PDE4D: variants seen among roughly 807,000 people sequenced by gnomAD.
PDE4D encodes the protein 3',5'-cyclic-AMP phosphodiesterase 4D.
In PDE4D, 24 loss-of-function variants were observed where a neutral mutation model predicts 87.4. That is an observed-to-expected ratio of 0.27 (90% CI 0.20 to 0.39). PDE4D has a LOEUF of 0.39. PDE4D is among the 10% of genes least tolerant of loss of function. The pLI is 1.00. For synonymous variants in PDE4D, 384 were observed against 383.2 expected, an observed-to-expected ratio of 1.00 and a Z score of -0.02; for missense variants, 714 against 1,041.0, an observed-to-expected ratio of 0.69 and a Z score of 4.32.
chr5:59,112,105 C>T (rs1772758210), intron 5 of PDE4D, among the ~76,000 whole-genome samples: 1 of 151,992 alleles, frequency 6.6e-6, no homozygotes, highest in African/African-American at 2.4e-5. Flanking sequence ...TCATGGATGG[C>T]CTAATGGAGA....
At chr5:59,495,775 G>C (rs1445670278) in intron 1 of PDE4D, among the ~76,000 whole-genome samples, 2 of 152,182 alleles carry the variant, frequency 1.3e-5, no homozygotes, top group African/African-American at 4.8e-5. Context: ...TGCAACTGGA[G>C]AAGTGGCTCG....
intron 6 of PDE4D, among the ~76,000 whole-genome samples, chr5:59,021,492 T>C (rs1479238398): frequency 6.6e-6 from 1 of 152,184 alleles, no homozygotes; most frequent in African/African-American, 2.4e-5. Flanking sequence ...GTTGACCTTT[T>C]ATGTTTAAAA....
At chr5:59,635,429 C>A (rs1832111872) in intron 1 of PDE4D, among the ~76,000 whole-genome samples, 1 of 152,064 alleles carries the variant, frequency 6.6e-6, no homozygotes, top group African/African-American at 2.4e-5. Context: ...GGCAGAGACA[C>A]AACAAAAAAA....
intron 5 of PDE4D, among the ~76,000 whole-genome samples, chr5:59,140,220 A>G (rs1360375023): frequency 1.3e-5 from 2 of 152,254 alleles, no homozygotes; most frequent in Non-Finnish European, 2.9e-5. Context: ...CAGATTAAGT[A>G]GTTATAACTT....
intron 1 of PDE4D, among the ~76,000 whole-genome samples, chr5:60,191,221 A>G (rs1382569966): frequency 6.6e-6 from 1 of 151,984 alleles, no homozygotes; most frequent in South Asian, 2.1e-4. Flanking sequence ...TTTTTTTTCA[A>G]TAATTGTTTT....
intron 1 of PDE4D, among the ~76,000 whole-genome samples, chr5:59,465,479 A>G (rs1801448300): frequency 6.6e-6 from 1 of 152,080 alleles, no homozygotes; most frequent in African/African-American, 2.4e-5. Flanking sequence ...CTGTTATAAA[A>G]TCTCCTGGTA....
In PDE4D at chr5:58,972,810, A is replaced by G. The variant is rs1561197533; in HGVS notation, c.*1854T>C. Reference sequence around the variant, plus strand: ...CTAGGAATTAATCTCTAAAACTGTAATACAGTTCCTGGTGCTGAAATCAGC... The same window carrying G: ...CTAGGAATTAATCTCTAAAACTGTAGTACAGTTCCTGGTGCTGAAATCAGC... On this transcript the variant is annotated 3_prime_UTR_variant, in exon 15 of 15. Transcript: ENST00000340635. 1 of 152,218 alleles carries G rather than the reference A, an allele frequency of 6.6e-6. No individual in the cohort carries two copies. Among genetic ancestry groups the G allele is most frequent in the Non-Finnish European group, 1.5e-5 (1 of 68,030 alleles). 9.4% of individuals were successfully genotyped at this position (152,218 alleles called of 1,614,324 possible). A position where few individuals can be genotyped will look rare whatever the true frequency, so the allele number is the denominator to read the frequency against.
At chr5:59,747,749 CTCAT>C (rs1415852800) in intron 1 of PDE4D, among the ~76,000 whole-genome samples, 1 of 152,146 alleles carries the variant, frequency 6.6e-6, no homozygotes, top group East Asian at 1.9e-4. Context: ...ACTCTTCTTT[CTCAT>C]TTATTGTGAG....
intron 1 of PDE4D, among the ~76,000 whole-genome samples, chr5:59,249,338 G>A (rs1028862369): frequency 6.6e-5 from 10 of 152,056 alleles, no homozygotes; most frequent in Non-Finnish European, 1.0e-4. Flanking sequence ...ACAGTAAGAT[G>A]AGAACTCTCA....
chr5:59,505,326 A>G (rs1440552796), intron 1 of PDE4D, among the ~76,000 whole-genome samples: 1 of 152,188 alleles, frequency 6.6e-6, no homozygotes, highest in East Asian at 1.9e-4. Flanking sequence ...TTGTTCAAAC[A>G]GCATTATTAG....
At chr5:60,476,702 A>T (rs1327577388) in intron 1 of PDE4D, among the ~76,000 whole-genome samples, 1 of 152,048 alleles carries the variant, frequency 6.6e-6, no homozygotes, top group Non-Finnish European at 1.5e-5. Flanking sequence ...TGCATCCACT[A>T]ATGCCCCTGC....
At chr5:59,902,040 T>G (rs1019759750) in intron 3 of PDE4D, among the ~76,000 whole-genome samples, 2 of 149,278 alleles carry the variant, frequency 1.3e-5, no homozygotes, top group Non-Finnish European at 3.0e-5. Flanking sequence ...AGAAACAAAC[T>G]AAGTGTTTAG....
chr5:59,430,806 T>C (rs1431140426), intron 1 of PDE4D, among the ~76,000 whole-genome samples: 1 of 152,160 alleles, frequency 6.6e-6, no homozygotes, highest in African/African-American at 2.4e-5. Context: ...AATGTAATAG[T>C]AGTTTGGTAA....
At chr5:60,165,596 G>A (rs1351872507) in intron 2 of PDE4D, among the ~76,000 whole-genome samples, 1 of 151,452 alleles carries the variant, frequency 6.6e-6, no homozygotes, top group Admixed American at 6.6e-5. Flanking sequence ...ATCATTTGGG[G>A]TATTATGGAA....
chr5:59,668,460 A>G (rs1423928819), intron 1 of PDE4D, among the ~76,000 whole-genome samples: 1 of 152,192 alleles, frequency 6.6e-6, no homozygotes, highest in Admixed American at 6.5e-5. Context: ...CTGTAACTCC[A>G]GAACTTTGGG....
chr5:60,252,360 G>T (rs192656073), intron 1 of PDE4D, among the ~76,000 whole-genome samples: 1 of 148,656 alleles, frequency 6.7e-6, no homozygotes, highest in African/African-American at 2.5e-5. Flanking sequence ...ATTCCAATTG[G>T]CACAATTAAT....
At chr5:59,680,023 A>T (rs1325484502) in intron 1 of PDE4D, among the ~76,000 whole-genome samples, 2 of 152,144 alleles carry the variant, frequency 1.3e-5, no homozygotes, top group African/African-American at 4.8e-5. Flanking sequence ...ACACTTTTAC[A>T]TTTGTGTTTC....
chr5:59,777,837 G>A (rs969887592), intron 1 of PDE4D, among the ~76,000 whole-genome samples: 6 of 151,592 alleles, frequency 4.0e-5, no homozygotes, highest in African/African-American at 1.2e-4. Flanking sequence ...TTTCAAAAGC[G>A]CATATACACT....
intron 1 of PDE4D, among the ~76,000 whole-genome samples, chr5:60,487,286 T>C (rs1749223172): frequency 6.6e-6 from 1 of 152,234 alleles, no homozygotes; most frequent in South Asian, 2.1e-4. Flanking sequence ...GTTGTGTCTG[T>C]ATGTGTTTAA....
Sources: gnomAD v4.1 joint callset for allele counts (sites outside exome capture counted in the v4.1 genomes callset) on GRCh38, gnomAD v4.1.1 for gene constraint, MANE v1.5 for transcripts, NCBI Gene and HGNC (gene_info 2026-07-23, HGNC 2026-07-21) for gene names.